Variants in FUT8 observed in about 807,000 individuals in gnomAD.
FUT8 encodes fucosyltransferase 8.
In FUT8, 29 loss-of-function variants were observed where a neutral mutation model predicts 71.3. That is an observed-to-expected ratio of 0.41 (90% CI 0.30 to 0.55). The LOEUF (loss-of-function observed/expected upper bound fraction) is 0.55, where lower values mean the gene tolerates loss of function less well. Among genes scored for constraint, FUT8 ranks in the 20% least tolerant of loss-of-function variants. The pLI, the probability that FUT8 is intolerant of heterozygous loss-of-function variation, is 0.34. For synonymous variants in FUT8, 254 were observed against 239.3 expected (o/e 1.06, Z -0.57); for missense variants, 544 against 702.1 (o/e 0.77, Z 2.55).
intron 2 of FUT8, chr14:65,516,468 G>T (rs929329849): frequency 1.3e-5 from 2 of 152,032 alleles, no homozygotes; most frequent in African/African-American, 4.8e-5. Context: ...ATAGGCAGAC[G>T]GTTTGCAGAG....
At chr14:65,707,693 A>C (rs1028717195) in intron 7 of FUT8, among the ~76,000 whole-genome samples, 4 of 152,282 alleles carry the variant, frequency 2.6e-5, no homozygotes, top group African/African-American at 9.6e-5. Context: ...ATTCCTCTGC[A>C]TATCCAGTTT....
At chr14:65,554,284 A>G (rs1046286402) in intron 2 of FUT8, among the ~76,000 whole-genome samples, 1 of 151,612 alleles carries the variant, frequency 6.6e-6, no homozygotes, top group Non-Finnish European at 1.5e-5. Flanking sequence ...CATATTTACC[A>G]TGAGATCCTT....
At chr14:65,631,269 C>T (rs1206034094) in intron 6 of FUT8, among the ~76,000 whole-genome samples, 2 of 152,108 alleles carry the variant, frequency 1.3e-5, no homozygotes, top group Non-Finnish European at 1.5e-5. Context: ...TCCTCTTATT[C>T]GTTAAATTTT....
At chr14:65,521,749 A>G (rs1381274655) in intron 2 of FUT8, among the ~76,000 whole-genome samples, 1 of 152,218 alleles carries the variant, frequency 6.6e-6, no homozygotes, top group Admixed American at 6.5e-5. Context: ...ATTCTAAGAT[A>G]TGCTGAAATT....
At chr14:65,556,957 A>G (rs1460003843) in intron 2 of FUT8, among the ~76,000 whole-genome samples, 1 of 152,198 alleles carries the variant, frequency 6.6e-6, no homozygotes, top group Non-Finnish European at 1.5e-5. Flanking sequence ...CTGAGACTCC[A>G]GTCTAGACAC....
rs2065162240 is a variant in FUT8 at position 65,413,106 on chromosome 14, C to T, written c.-434C>T. On this transcript the variant is annotated 5_prime_UTR_variant, in exon 1 of 11. Transcript: ENST00000673929. This position sits in a 1 kb window ranked among gnomAD's most constrained non-coding sequence, Gnocchi z 4.1. ...CCGTTCGGTCGGGAGTAGCATCCTC[C>T]ACTCAGCCACCCTTCCCACTCCCCC... is the stretch of plus-strand genomic sequence containing the variant. The T allele has an allele frequency of 6.5e-6, 1 of 152,832 alleles. No homozygotes were observed. The highest frequency in any genetic ancestry group is 1.5e-5 in the Non-Finnish European group (1 of 68,182). The allele number at this position is 152,832 out of a possible 1,614,324, so 9.5% of individuals were successfully genotyped here. A position where few individuals can be genotyped will look rare whatever the true frequency, so the allele number is the denominator to read the frequency against.
At chr14:65,718,672 A>G (rs1446699510) in intron 7 of FUT8, among the ~76,000 whole-genome samples, 1 of 152,156 alleles carries the variant, frequency 6.6e-6, no homozygotes, top group Non-Finnish European at 1.5e-5. Flanking sequence ...GAAATCTCTC[A>G]GCTTTTGTTT....
chr14:65,521,344 T>C (rs1240420570), intron 2 of FUT8, among the ~76,000 whole-genome samples: 1 of 152,194 alleles, frequency 6.6e-6, no homozygotes, highest in African/African-American at 2.4e-5. Flanking sequence ...AAAACATATA[T>C]ATTAGTCTAA....
chr14:65,474,236 C>T (rs2066194563), intron 2 of FUT8, among the ~76,000 whole-genome samples: 1 of 151,430 alleles, frequency 6.6e-6, no homozygotes, highest in Admixed American at 6.6e-5. Context: ...TCTCAGACTT[C>T]ACCACTATAC....
intron 7 of FUT8, among the ~76,000 whole-genome samples, chr14:65,686,896 C>A (rs1169150884): frequency 6.6e-6 from 1 of 152,164 alleles, no homozygotes; most frequent in Non-Finnish European, 1.5e-5. Context: ...TCAAACAGAA[C>A]AAGTTTCTTC....
At chr14:65,470,846 G>A (rs991693101) in intron 2 of FUT8, among the ~76,000 whole-genome samples, 9 of 151,902 alleles carry the variant, frequency 5.9e-5, no homozygotes, top group African/African-American at 2.2e-4. Context: ...GCATCGGTCT[G>A]CTCTCTGCTT....
At chr14:65,426,225 C>A (rs943560030) in intron 1 of FUT8, among the ~76,000 whole-genome samples, 1 of 152,024 alleles carries the variant, frequency 6.6e-6, no homozygotes, top group Non-Finnish European at 1.5e-5. Context: ...TTGTCTTTTT[C>A]TGCCAGTCCT....
chr14:65,717,491 C>T (rs1208407354), intron 7 of FUT8, among the ~76,000 whole-genome samples: 31 of 129,468 alleles, frequency 2.4e-4, no homozygotes, highest in African/African-American at 3.0e-4. Context: ...ACGGGGCGGC[C>T]GGGCAGAGGC....
At chr14:65,598,080 A>G (rs1045239835) in intron 3 of FUT8, among the ~76,000 whole-genome samples, 8 of 152,116 alleles carry the variant, frequency 5.3e-5, no homozygotes, top group African/African-American at 1.9e-4. Context: ...AAGCTGAGGT[A>G]AGAGGACAGC....
At chr14:65,368,039 A>G in the FUT8 span, among the ~76,000 whole-genome samples, 1 of 148,706 alleles carries the variant, frequency 6.7e-6, no homozygotes, top group East Asian at 2.0e-4. Context: ...AAAAGAACAT[A>G]GGCAAAATTA....
chr14:65,694,939 T>A (rs1397505795), intron 7 of FUT8, among the ~76,000 whole-genome samples: 1 of 151,372 alleles, frequency 6.6e-6, no homozygotes, highest in Non-Finnish European at 1.5e-5. Context: ...ATATACCTAA[T>A]GCTAAGTGAC....
chr14:65,487,711 C>T (rs1420497478), intron 2 of FUT8, among the ~76,000 whole-genome samples: 1 of 151,808 alleles, frequency 6.6e-6, no homozygotes, highest in African/African-American at 2.4e-5. Flanking sequence ...ATTTTAGATT[C>T]CCAGCTCTTG....
chr14:65,465,650 T>C (rs1359386535), intron 2 of FUT8, among the ~76,000 whole-genome samples: 2 of 152,260 alleles, frequency 1.3e-5, no homozygotes, highest in Non-Finnish European at 2.9e-5. Context: ...GGTGTGTCTA[T>C]TTGTATGGTG....
intron 3 of FUT8, among the ~76,000 whole-genome samples, chr14:65,597,348 G>T (rs1189332090): frequency 1.3e-5 from 2 of 152,188 alleles, no homozygotes; most frequent in African/African-American, 4.8e-5. Context: ...ACACTATCAG[G>T]CCGGGTGCGA....
Sources: gnomAD v4.1 joint callset for allele counts (sites outside exome capture counted in the v4.1 genomes callset) on GRCh38, gnomAD v4.1.1 for gene constraint, Gnocchi (gnomAD v3.1) non-coding constraint, MANE v1.5 for transcripts, NCBI Gene and HGNC (gene_info 2026-07-23, HGNC 2026-07-21) for gene names.